The following CHP1 variants were observed in gnomAD, a reference collection of about 807,000 sequenced individuals.
CHP1 encodes calcineurin like EF-hand protein 1, also known as calcineurin B homologous protein 1.
Under a neutral mutation model 27.4 loss-of-function variants are expected in CHP1, and 11 were observed. The ratio of observed to expected loss-of-function variants is 0.40; its 90% confidence interval spans 0.25 to 0.67. CHP1 has a LOEUF of 0.67. Among genes scored for constraint, CHP1 ranks in the 30% least tolerant of loss-of-function variants. The probability of loss-of-function intolerance (pLI) is 0.38; values close to 1 mark genes in which losing one functional copy is unlikely to be tolerated. For synonymous variants in CHP1, 89 were observed against 87.4 expected (o/e 1.02, Z -0.10); for missense variants, 169 against 251.3 (o/e 0.67, Z 2.22).
chr15:41,243,334 T>G (rs2047316793), intron 1 of CHP1, among the ~76,000 whole-genome samples: 2 of 152,034 alleles, frequency 1.3e-5, no homozygotes, highest in South Asian at 4.2e-4. Flanking sequence ...GAGCAAAACT[T>G]TGTCTCAGTA....
chr15:41,234,709 G>A (rs1393128819), intron 1 of CHP1, among the ~76,000 whole-genome samples: 1 of 152,124 alleles, frequency 6.6e-6, no homozygotes, highest in African/African-American at 2.4e-5. Flanking sequence ...TACTTTATAG[G>A]ATTCTTACGA....
intron 4 of CHP1, among the ~76,000 whole-genome samples, chr15:41,265,152 A>T (rs2047453665): frequency 6.6e-6 from 1 of 151,842 alleles, no homozygotes; most frequent in Non-Finnish European, 1.5e-5. Flanking sequence ...ACCTGAGGTC[A>T]GGAGTTCGAG....
intron 3 of CHP1, among the ~76,000 whole-genome samples, chr15:41,258,789 C>G (rs1490036726): frequency 6.6e-6 from 1 of 152,082 alleles, no homozygotes; most frequent in Non-Finnish European, 1.5e-5. Flanking sequence ...TAGTCTATGA[C>G]CCACAGGACT....
chr15:41,271,123 C>T (rs901673530), intron 5 of CHP1, among the ~76,000 whole-genome samples: 13 of 151,804 alleles, frequency 8.6e-5, no homozygotes, highest in African/African-American at 2.2e-4. Context: ...GGTGTGGTGG[C>T]GGGCACCTGT....
At chr15:41,242,051 C>A (rs2047309562) in intron 1 of CHP1, among the ~76,000 whole-genome samples, 1 of 152,112 alleles carries the variant, frequency 6.6e-6, no homozygotes, top group South Asian at 2.1e-4. Flanking sequence ...ATGTACCTGC[C>A]ATTATTGCCT....
chr15:41,263,374 T>C (rs965069253), intron 4 of CHP1, among the ~76,000 whole-genome samples: 1 of 152,202 alleles, frequency 6.6e-6, no homozygotes, highest in African/African-American at 2.4e-5. Context: ...GGATGTGACT[T>C]AAGTAATGGG....
intron 4 of CHP1, among the ~76,000 whole-genome samples, chr15:41,265,699 A>C (rs1354803215): frequency 6.7e-6 from 1 of 150,002 alleles, no homozygotes; most frequent in Non-Finnish European, 1.5e-5. Context: ...CAACAGAGCA[A>C]AACTCCATCT....
chr15:41,255,972 A>G (rs2047398500), intron 2 of CHP1, among the ~76,000 whole-genome samples: 1 of 152,170 alleles, frequency 6.6e-6, no homozygotes, highest in African/African-American at 2.4e-5. Context: ...AGCCAAGACC[A>G]TGCCATTGCA....
intron 1 of CHP1, among the ~76,000 whole-genome samples, chr15:41,232,545 C>T (rs2047256204): frequency 6.6e-6 from 1 of 151,960 alleles, no homozygotes; most frequent in South Asian, 2.1e-4. Context: ...CAGTCTCTTC[C>T]TCATTAGTCT....
At chr15:41,247,867 G>C (rs963955297) in intron 2 of CHP1, among the ~76,000 whole-genome samples, 3 of 151,730 alleles carry the variant, frequency 2.0e-5, no homozygotes, top group African/African-American at 7.3e-5. Context: ...TACTCGGGAG[G>C]CTGAGGCAGG....
chr15:41,275,512 T>G (rs2047514991), intron 5 of CHP1, among the ~76,000 whole-genome samples: 1 of 152,186 alleles, frequency 6.6e-6, no homozygotes, highest in Non-Finnish European at 1.5e-5. Context: ...TGGATACAAA[T>G]CAGTATTTCA....
rs553865558 is a variant in CHP1, at chr15:41,260,959, CG to C, written c.222-1796del. The stretch of plus-strand genomic sequence containing the variant: ...AGTGCAGTGGCGCAGTCTCGGCTCA[CG>C]CAACTTCTGCCTCCTGTGTGTTCAA... On this transcript the variant is annotated intron_variant, in intron 3 of 6. Coordinates refer to ENST00000334660, the MANE Select transcript of CHP1 (RefSeq NM_007236.5). 8.2e-4 allele frequency among the ~76,000 whole-genome samples: 124 copies of C among 151,808 alleles called. 1 individual carries two copies. In the South Asian group the frequency reaches 0.012, roughly 14 times the overall value.
chr15:41,241,072 C>G (rs918371104), intron 1 of CHP1, among the ~76,000 whole-genome samples: 1 of 152,098 alleles, frequency 6.6e-6, no homozygotes, highest in African/African-American at 2.4e-5. Context: ...AGGATGGTCT[C>G]GATCTCTTTT....
chr15:41,244,378 G>A (rs2047322924), intron 2 of CHP1, among the ~76,000 whole-genome samples: 1 of 152,020 alleles, frequency 6.6e-6, no homozygotes, highest in African/African-American at 2.4e-5. Context: ...TGGCTTTTAG[G>A]AAGTTGACCC....
chr15:41,255,920 G>A (rs2047398190), intron 2 of CHP1, among the ~76,000 whole-genome samples: 1 of 152,084 alleles, frequency 6.6e-6, no homozygotes, highest in Non-Finnish European at 1.5e-5. Context: ...GGGAGGCTGA[G>A]GCAGGAGAAT....
At chr15:41,271,482 A>C (rs148694053) in intron 5 of CHP1, among the ~76,000 whole-genome samples, 5 of 152,188 alleles carry the variant, frequency 3.3e-5, no homozygotes, top group African/African-American at 1.2e-4. Context: ...GCTTTTAGGT[A>C]CTGTCTGAGA....
chr15:41,261,923 C>T (rs886946598), intron 3 of CHP1, among the ~76,000 whole-genome samples: 2 of 149,348 alleles, frequency 1.3e-5, no homozygotes, highest in Non-Finnish European at 3.0e-5. Flanking sequence ...ACCAGGGAGG[C>T]GGAGGTTGCA....
chr15:41,236,830 ATCTT>A (rs1018945042), intron 1 of CHP1, among the ~76,000 whole-genome samples: 1 of 122,894 alleles, frequency 8.1e-6, no homozygotes, highest in African/African-American at 3.8e-5. Context: ...TCTTAATACT[ATCTT>A]TTTTTTTTTT....
rs34921023 is a variant in CHP1, at chr15:41,280,505, A to ATTTTTTTTTTTTTTTTTTTTTTT, written c.*1121_*1143dup. On this transcript the variant is annotated 3_prime_UTR_variant, in exon 7 of 7. Transcript: ENST00000334660. ...GGAAGTGCCTAATATCCCAGTCCAA[A>ATTTTTTTTTTTTTTTTTTTTTTT]TTTTTTTTTTTTTTTTTTTTTTTTT... 11 of 111,340 alleles carry ATTTTTTTTTTTTTTTTTTTTTTT rather than the reference A, an allele frequency of 9.9e-5. 2 individuals are homozygous for ATTTTTTTTTTTTTTTTTTTTTTT. Among genetic ancestry groups the ATTTTTTTTTTTTTTTTTTTTTTT allele is most frequent in the Non-Finnish European group, 1.2e-4 (7 of 56,608 alleles). The allele number at this position is 111,340 out of a possible 1,614,324, so 6.9% of individuals were successfully genotyped here.
Sources: allele counts gnomAD v4.1 joint callset (sites outside exome capture counted in the v4.1 genomes callset), GRCh38; gene constraint gnomAD v4.1.1; transcripts MANE v1.5; gene names NCBI Gene and HGNC (gene_info 2026-07-23, HGNC 2026-07-21).